The following MYH7 variants were observed in gnomAD, a reference collection of about 807,000 sequenced individuals.
MYH7 encodes myosin-7.
In MYH7, 129 loss-of-function variants were observed where a neutral mutation model predicts 225.4. The ratio of observed to expected loss-of-function variants is 0.57; its 90% confidence interval spans 0.50 to 0.66. The LOEUF is 0.66. Ranked by LOEUF, MYH7 falls within the 30% of genes least tolerant of loss-of-function variation. MYH7 has a pLI of 0.00. For missense variants in MYH7, 1,649 were observed against 2,517.0 expected (o/e 0.66, Z 7.38); for synonymous variants, 971 against 1,007.6 (o/e 0.96, Z 0.69).
In MYH7 at chr14:23,415,603, C is replaced by T. The variant is rs780455885; in HGVS notation, c.5157+26G>A. 2 of 1,613,658 alleles carry T rather than the reference C, an allele frequency of 1.2e-6. No homozygotes were observed. Among genetic ancestry groups the T allele is most frequent in the Middle Eastern group, 1.7e-4 (1 of 6,020 alleles). ...GCTGAGCCCCAGCCTGTGCTCCCTT[C>T]AGGAATGAGCAGGGGAGCTGCTCAC... On this transcript the variant is annotated intron_variant, in intron 35 of 39. Coordinates refer to ENST00000355349, the MANE Select transcript of MYH7 (RefSeq NM_000257.4). This position sits in a 1 kb window ranked among gnomAD's most constrained non-coding sequence, Gnocchi z 6.3.
chr14:23,431,275 G>T, intron 9 of MYH7, 143 bp downstream of exon 9: 1 of 863,608 alleles, frequency 1.2e-6, no homozygotes, highest in South Asian at 1.3e-5. Context: ...CAGATATGTA[G>T]ACCTGAAGAC....
In MYH7 at chr14:23,414,978, G is replaced by T; in HGVS notation, c.5559+17C>A. The stretch of plus-strand genomic sequence containing the variant: ...CTATGGTGCCAGGGCTCTGCCTGGA[G>T]TCACCGCCCGTCGCACCTGGTAGGT... On this transcript the variant is annotated intron_variant, in intron 37 of 39. Transcript: ENST00000355349. The T allele has an allele frequency of 6.2e-7, 1 of 1,604,162 alleles. No individual in the cohort carries two copies.
In MYH7 at chr14:23,415,928, G is replaced by A. The variant is rs1595073073; in HGVS notation, c.4953+76C>T. The A allele has an allele frequency of 3.1e-6, 5 of 1,613,378 alleles. No individual in the cohort carries two copies. In the South Asian group the frequency reaches 5.5e-5, roughly 18 times the overall value. On this transcript the variant is annotated intron_variant, in intron 34 of 39. Transcript: ENST00000355349. The surrounding 1 kb of genome is among the most constrained non-coding windows in gnomAD (Gnocchi z 6.3). ...GGTCCCTGCAGTAACCTAGGGGCAG[G>A]AGGAATCTGGTGCCTGTATCAAGAC...
rs397516143 is a variant in MYH7, at chr14:23,425,353, G to A, written c.2352C>T (p.Ile784=). The change falls in exon 21 of 40, where the codon ATC becomes ATT. Residue 784 remains isoleucine (I), a synonymous_variant. Coordinates refer to ENST00000355349, the MANE Select transcript of MYH7 (RefSeq NM_000257.4). This position sits in a 1 kb window ranked among gnomAD's most constrained non-coding sequence, Gnocchi z 4.6. ...GGGACTGGGCCTGGATACGCGTGAT[G>A]ATGCGGCTCAGCCTCTCGTCCCTCA... is the stretch of plus-strand genomic sequence containing the variant. ...EEMRDERLSR[I]ITRIQAQSRG... is the part of the protein sequence containing the mutation. The A allele has an allele frequency of 1.1e-5, 18 of 1,614,060 alleles. No homozygotes were observed. Among genetic ancestry groups the A allele is most frequent in the Non-Finnish European group, 1.5e-5 (18 of 1,180,056 alleles).
At chr14:23,414,197 C>T in intron 37 of MYH7, 95 bp from the exon 38 acceptor site, 1 of 1,037,328 alleles carries the variant, frequency 9.6e-7, no homozygotes, top group Non-Finnish European at 1.5e-6. Context: ...TATCCTGACC[C>T]AATTCTACTT....
At chr14:23,424,470 C>T (rs1040485873) in intron 22 of MYH7, among the ~76,000 whole-genome samples, 4 of 152,192 alleles carry the variant, frequency 2.6e-5, no homozygotes, top group African/African-American at 9.7e-5. Flanking sequence ...CAGCTTTATT[C>T]CCTGTCTAGA....
Position 23,420,998 on chromosome 14 carries a change from G to A in MYH7, c.3296C>T (p.Ala1099Val), listed in dbSNP as rs1892451162. ...CTTCTTCTGCAGCTGGCTGCCGAGG[G>A]CCTGTTCATCCTCAATCCTTGCGTT... ...ALNARIEDEQ[A>V]LGSQLQKKLK... Residue 1099 changes from alanine (A) to valine (V), a missense_variant, in exon 26 of 40, where the codon GCC (alanine) becomes GTC (valine). Ala to Val is a moderately conservative substitution (Grantham distance 64, BLOSUM62 0). Transcript: ENST00000355349. The A allele has an allele frequency of 6.2e-7, 1 of 1,612,682 alleles. No individual in the cohort carries two copies. Among genetic ancestry groups the A allele is most frequent in the Non-Finnish European group, 8.5e-7 (1 of 1,180,028 alleles).
chr14:23,430,010 C>A, intron 11 of MYH7, 97 bp from the exon 12 acceptor site: 1 of 1,468,236 alleles, frequency 6.8e-7, no homozygotes, highest in Non-Finnish European at 9.4e-7. Context: ...TCTCCTTAAT[C>A]CCTGTGGGTT....
In MYH7 at chr14:23,426,031, G is replaced by A. The variant is rs746348808; in HGVS notation, c.2095C>T (p.Leu699=). 3 of 1,614,076 alleles carry A rather than the reference G, an allele frequency of 1.9e-6. No individual in the cohort carries two copies. In the South Asian group the frequency reaches 3.3e-5, roughly 18 times the overall value. The change falls in exon 19 of 40, where the codon CTG becomes TTG. Residue 699 remains leucine (L), a synonymous_variant. Transcript: ENST00000355349. ...VMHQLRCNGV[L]EGIRICRKGF... is the part of the protein sequence containing the mutation. ...TTCCTGCAGATGCGGATGCCCTCCA[G>A]CACACCATTGCAGCGCAGCTGGTGC...
At position 23,413,800 on chromosome 14, in the gene MYH7, C is replaced by A. The variant is rs397516255; in HGVS notation, c.5749G>T (p.Val1917Phe). 49 of 1,614,154 alleles carry A rather than the reference C, an allele frequency of 3.0e-5. No individual in the cohort carries two copies. The highest frequency in any genetic ancestry group is 4.1e-5 in the Non-Finnish European group (48 of 1,180,062). The change falls in exon 39 of 40, where the codon GTC becomes TTC. Residue 1917 changes from valine (V) to phenylalanine (F), a missense_variant. Val to Phe is a conservative substitution (Grantham distance 50). Around this residue, in one of 12 missense-constraint regions of MYH7, gnomAD observed 687 missense variants for 913.8 expected, o/e 0.75. Coordinates refer to ENST00000355349, the MANE Select transcript of MYH7 (RefSeq NM_000257.4). ...CGGCTCTTGGCCCGCAGCTTGTTGA[C>A]CTGGGACTCGGCGATGTCCGCCCGC... ...EERADIAESQVNKLRAKSRDI... is the reference protein window; with the variant it reads ...EERADIAESQFNKLRAKSRDI...
rs1213440014 is a variant in MYH7, at chr14:23,417,608, C to G, written c.4248G>C (p.Lys1416Asn). 1 of 1,612,886 alleles carries G rather than the reference C, an allele frequency of 6.2e-7. No homozygotes were observed. Among genetic ancestry groups the G allele is most frequent in the South Asian group, 1.1e-5 (1 of 91,022 alleles). Residue 1416 changes from lysine (K) to asparagine (N), a missense_variant, in exon 31 of 40, where the codon AAG (lysine) becomes AAC (asparagine). Around this residue, in one of 12 missense-constraint regions of MYH7, gnomAD observed 687 missense variants for 913.8 expected, o/e 0.75. Coordinates refer to ENST00000355349, the MANE Select transcript of MYH7 (RefSeq NM_000257.4). ...TCTCATTCTGTAGCCGGTGCTTGGT[C>G]TTCTCCAGCGAGGAGCACTTGGCAT... ...AVNAKCSSLE[K>N]TKHRLQNEIE...
rs121913646 is a variant in MYH7, at chr14:23,427,271, G to A, written c.1925C>T (p.Ser642Leu). Residue 642 changes from serine to leucine, a missense_variant, in exon 17 of 40, where the codon TCG becomes TTG. Physicochemically the swap from Ser to Leu is moderately radical, Grantham distance 145. This residue lies in a region of MYH7 where 112 missense variants were observed against 161.9 expected (regional missense o/e 0.69). Coordinates refer to ENST00000355349, the MANE Select transcript of MYH7 (RefSeq NM_000257.4). ...CAGAGCTGACACAGTCTGAAAGGAC[G>A]AGCCTTTCTTGGCCTTGCCTTTGCC... The part of the protein sequence containing the change: ...EKGKGKAKKG[S>L]SFQTVSALHR... 2.5e-6 allele frequency: 4 copies of A among 1,614,126 alleles called. No homozygotes were observed. The highest frequency in any genetic ancestry group is 2.2e-5 in the East Asian group (1 of 44,866).
At chr14:23,420,915 C>T in intron 26 of MYH7, 43 bp downstream of exon 26, 2 of 1,505,854 alleles carry the variant, frequency 1.3e-6, no homozygotes, top group Non-Finnish European at 1.8e-6. Context: ...GAAACAGAAC[C>T]AGCCCAGGGA....
chr14:23,414,918 A>C, intron 37 of MYH7, 77 bp downstream of exon 37: 5 of 1,590,482 alleles, frequency 3.1e-6, no homozygotes, highest in Non-Finnish European at 4.3e-6. Flanking sequence ...GCTAAGAGCA[A>C]ACTCTTCATT....
Position 23,426,219 on chromosome 14 carries a change from G to C in MYH7, c.2045-138C>G. On this transcript the variant is annotated intron_variant, in intron 18 of 39. Transcript: ENST00000355349. ...TAATCATTTGTTTCATTTTCTTCTA[G>C]CCACATTTTTAACTAAAAGGCTTTC... The C allele has an allele frequency of 2.9e-6, 3 of 1,040,004 alleles. No homozygotes were observed. In the Admixed American group the frequency reaches 6.9e-5, roughly 24 times the overall value. 64.4% of individuals were successfully genotyped at this position (1,040,004 alleles called of 1,614,324 possible).
Position 23,418,382 on chromosome 14 carries a change from G to T in MYH7, c.3997C>A (p.Leu1333Met). ...VKAKNALAHA[L>M]QSARHDCDLL... ...TCGCAGTCATGCCGGGCCGACTGCA[G>T]TGCGTGGGCCAGGGCGTTCTTCGCC... The change falls in exon 30 of 40, where the codon CTG becomes ATG. Residue 1333 changes from leucine (L) to methionine (M), a missense_variant. Around this residue, in one of 12 missense-constraint regions of MYH7, gnomAD observed 687 missense variants for 913.8 expected, o/e 0.75. Coordinates refer to ENST00000355349, the MANE Select transcript of MYH7 (RefSeq NM_000257.4). 1.9e-6 allele frequency: 3 copies of T among 1,612,588 alleles called. No individual in the cohort carries two copies. Among genetic ancestry groups the T allele is most frequent in the Non-Finnish European group, 2.5e-6 (3 of 1,179,072 alleles).
At chr14:23,430,436 G>C (rs1443865613) in intron 11 of MYH7, 124 bp downstream of exon 11, 1 of 768,092 alleles carries the variant, frequency 1.3e-6, no homozygotes, top group Non-Finnish European at 2.3e-6. Context: ...GGCACATTCT[G>C]GCTCTCAGGA....
intron 25 of MYH7, among the ~76,000 whole-genome samples, chr14:23,421,535 A>G (rs1262237018): frequency 6.6e-6 from 1 of 152,226 alleles, no homozygotes; most frequent in African/African-American, 2.4e-5. Flanking sequence ...GTGCCTGGGA[A>G]GGTATGAAGA....
In MYH7 at chr14:23,419,255, G is replaced by A. The variant is rs754009767; in HGVS notation, c.3894C>T (p.Ile1298=). 20 of 1,614,184 alleles carry A rather than the reference G, an allele frequency of 1.2e-5. No individual in the cohort carries two copies. The South Asian group carries it at 2.1e-4, about 17-fold the overall frequency. ...TGAGCTTGCCTCGGGTCAGCTGGGA[G>A]ATCAGTGCCTCCTTCTCATCCAGCT... is the stretch of plus-strand genomic sequence containing the variant. The part of the protein sequence containing the change: ...SRQLDEKEAL[I]SQLTRGKLTY... The change falls in exon 29 of 40, where the codon ATC becomes ATT. Residue 1298 remains isoleucine, a synonymous_variant. Coordinates refer to ENST00000355349, the MANE Select transcript of MYH7 (RefSeq NM_000257.4).
Sources: gnomAD v4.1 joint callset for allele counts (sites outside exome capture counted in the v4.1 genomes callset) on GRCh38, gnomAD v4.1.1 for gene constraint, gnomAD v4.1.1 regional missense constraint, Gnocchi (gnomAD v3.1) non-coding constraint, MANE v1.5 for transcripts, NCBI Gene and HGNC (gene_info 2026-07-23, HGNC 2026-07-21) for gene names.